The following ASAP1 variants were observed in gnomAD, a reference collection of about 807,000 sequenced individuals.
ASAP1 encodes arf-GAP with SH3 domain, ANK repeat and PH domain-containing protein 1.
In ASAP1, 43 loss-of-function variants were observed where a neutral mutation model predicts 145.2. The observed-to-expected ratio is 0.30, with a 90% confidence interval of 0.23 to 0.38. The LOEUF is 0.38. ASAP1 is among the 10% of genes least tolerant of loss of function. The probability of loss-of-function intolerance (pLI) is 1.00; values close to 1 mark genes in which losing one functional copy is unlikely to be tolerated. For missense variants in ASAP1, 1,018 were observed against 1,355.3 expected (o/e 0.75, Z 3.91); for synonymous variants, 546 against 515.5 (o/e 1.06, Z -0.80).
Position 130,173,440 on chromosome 8 carries a change from TTCTC to T in ASAP1, c.747-4377_747-4374del, listed in dbSNP as rs571822724. ...GGCTTCTCTGTTCCTCCTTTCTCTC[TTCTC>T]TCTGTTTTAGCTCGTCCTAGTTCAG... is the stretch of plus-strand genomic sequence containing the variant. On this transcript the variant is annotated intron_variant, in intron 9 of 29. Coordinates refer to ENST00000518721, the MANE Select transcript of ASAP1 (RefSeq NM_018482.4). 3.5e-3 allele frequency among the ~76,000 whole-genome samples: 528 copies of T among 152,272 alleles called. 5 individuals are homozygous for T. The highest frequency in any genetic ancestry group is 0.012 in the African/African-American group (506 of 41,550).
intron 1 of ASAP1, among the ~76,000 whole-genome samples, chr8:130,418,272 C>T (rs1161258623): frequency 2.0e-5 from 3 of 152,094 alleles, no homozygotes; most frequent in Non-Finnish European, 2.9e-5. Flanking sequence ...AATTCAGGCC[C>T]GGCACGGTCG....
intron 18 of ASAP1, among the ~76,000 whole-genome samples, chr8:130,122,552 A>T (rs2097568149): frequency 6.6e-6 from 1 of 152,254 alleles, no homozygotes; most frequent in East Asian, 1.9e-4. Context: ...TTTTTATTCA[A>T]GCCCCTTAAT....
intron 12 of ASAP1, among the ~76,000 whole-genome samples, chr8:130,159,643 T>C (rs1271638563): frequency 6.6e-6 from 1 of 151,948 alleles, no homozygotes; most frequent in East Asian, 1.9e-4. Flanking sequence ...TTCCTATAAT[T>C]GCACGTTACA....
At chr8:130,225,402 T>G (rs977161713) in intron 4 of ASAP1, among the ~76,000 whole-genome samples, 2 of 152,248 alleles carry the variant, frequency 1.3e-5, no homozygotes, top group Admixed American at 1.3e-4. Flanking sequence ...TTTGTTTATA[T>G]AGCACAGGAA....
intron 22 of ASAP1, among the ~76,000 whole-genome samples, chr8:130,116,280 G>C (rs867098380): frequency 1.3e-5 from 2 of 152,336 alleles, no homozygotes; most frequent in East Asian, 3.9e-4. Flanking sequence ...AAGGGGAGGG[G>C]CTGGGAGAAC....
intron 4 of ASAP1, among the ~76,000 whole-genome samples, chr8:130,215,818 G>A (rs1816869042): frequency 6.6e-6 from 1 of 152,020 alleles, no homozygotes; most frequent in African/African-American, 2.4e-5. Flanking sequence ...TCAGCTACTT[G>A]GGAGGCTGAG....
At chr8:130,427,001 T>C (rs1310872591) in intron 1 of ASAP1, among the ~76,000 whole-genome samples, 1 of 152,084 alleles carries the variant, frequency 6.6e-6, no homozygotes, top group African/African-American at 2.4e-5. Context: ...TGCAAACAAA[T>C]ATGCATGGAA....
intron 9 of ASAP1, among the ~76,000 whole-genome samples, chr8:130,172,660 G>C (rs1813668726): frequency 6.6e-6 from 1 of 152,294 alleles, no homozygotes; most frequent in Admixed American, 6.5e-5. Flanking sequence ...AGATGGTAAA[G>C]AGTATGAACA....
chr8:130,350,565 T>C (rs1330068117), intron 3 of ASAP1, among the ~76,000 whole-genome samples: 1 of 152,228 alleles, frequency 6.6e-6, no homozygotes, highest in Non-Finnish European at 1.5e-5. Flanking sequence ...ACCACTGAGC[T>C]GATGCATTTC....
intron 1 of ASAP1, among the ~76,000 whole-genome samples, chr8:130,422,261 C>T (rs555988754): frequency 3.9e-5 from 6 of 152,146 alleles, no homozygotes; most frequent in South Asian, 2.1e-4. Context: ...AAGAAGGGGG[C>T]GTGGAGATGA....
rs576939892 is a variant in ASAP1, at chr8:130,098,096, ATAT to A, written c.2402-5956_2402-5954del. On this transcript the variant is annotated intron_variant, in intron 24 of 29. Coordinates refer to ENST00000518721, the MANE Select transcript of ASAP1 (RefSeq NM_018482.4). The stretch of plus-strand genomic sequence containing the variant: ...CAGTATTTAAAATTTATCTTGTAAA[ATAT>A]TATCATTATTGTCACATTATCCATT... 1.3e-3 allele frequency among the ~76,000 whole-genome samples: 195 copies of A among 152,274 alleles called. 3 individuals carry two copies. The Middle Eastern group carries it at 0.02, about 16-fold the overall frequency.
rs773459218 is a variant in ASAP1 at position 130,128,035 on chromosome 8, C to A, written c.1273G>T (p.Gly425Ter). 2 of 1,613,754 alleles carry A rather than the reference C, an allele frequency of 1.2e-6. No individual in the cohort carries two copies. Among genetic ancestry groups the A allele is most frequent in the Non-Finnish European group, 1.7e-6 (2 of 1,179,888 alleles). ...KEEALTMAFR[G>*]EQSAGENSLE... ...CTGTTCTCTCCCGCACTCTGCTCTCCACGGAAGGCCATGGTTAGGGCCTCT... is the reference window on the plus strand; with the variant it reads ...CTGTTCTCTCCCGCACTCTGCTCTCAACGGAAGGCCATGGTTAGGGCCTCT... Residue 425 changes from glycine (G) to a stop codon, truncating the protein, a stop_gained, in exon 16 of 30, where the codon GGA (glycine) becomes TGA (stop). Coordinates refer to ENST00000518721, the MANE Select transcript of ASAP1 (RefSeq NM_018482.4). LOFTEE classifies it high-confidence loss of function.
intron 13 of ASAP1, among the ~76,000 whole-genome samples, chr8:130,148,982 G>T (rs915274987): frequency 6.6e-6 from 1 of 150,492 alleles, no homozygotes; most frequent in Non-Finnish European, 1.5e-5. Context: ...GAATACAGGT[G>T]TGCACCATCA....
chr8:130,229,132 C>T (rs7836688), intron 4 of ASAP1, among the ~76,000 whole-genome samples: 3,969 of 152,288 alleles, frequency 0.026, 63 homozygotes, highest in Middle Eastern at 0.044. Flanking sequence ...AGTTCAGAAT[C>T]AGCAACAATC....
intron 7 of ASAP1, 125 bp downstream of exon 7, chr8:130,187,111 G>T: frequency 1.3e-6 from 1 of 789,584 alleles, no homozygotes; most frequent in Non-Finnish European, 2.0e-6. Flanking sequence ...TACTAAACAG[G>T]TTTTTGTTGA....
At chr8:130,067,037 G>A (rs1348513239) in intron 27 of ASAP1, among the ~76,000 whole-genome samples, 4 of 152,318 alleles carry the variant, frequency 2.6e-5, no homozygotes, top group Middle Eastern at 3.4e-3. Context: ...CCTCCTGGAA[G>A]AGAACTCCCT....
chr8:130,183,896 G>A (rs934340770), intron 7 of ASAP1, among the ~76,000 whole-genome samples: 3 of 152,094 alleles, frequency 2.0e-5, no homozygotes, highest in Admixed American at 6.5e-5. Flanking sequence ...CTGTACTGCT[G>A]ATCTAAAGAG....
At chr8:130,163,696 TAAC>T (rs200482062) in intron 11 of ASAP1, among the ~76,000 whole-genome samples, 3,713 of 152,282 alleles carry the variant, frequency 0.024, 51 homozygotes, top group Middle Eastern at 0.065. Context: ...TTAATAACAT[TAAC>T]AACAATTTAA....
At chr8:130,429,657 C>T (rs1047459919) in intron 1 of ASAP1, among the ~76,000 whole-genome samples, 7 of 152,176 alleles carry the variant, frequency 4.6e-5, no homozygotes, top group African/African-American at 1.7e-4. Flanking sequence ...TCTGCAAACA[C>T]TTAACACTAT....
Sources: allele counts gnomAD v4.1 joint callset (sites outside exome capture counted in the v4.1 genomes callset), GRCh38; gene constraint gnomAD v4.1.1; transcripts MANE v1.5; gene names NCBI Gene and HGNC (gene_info 2026-07-23, HGNC 2026-07-21).